FTO: variants seen among roughly 807,000 people sequenced by gnomAD.
The protein encoded by FTO is alpha-ketoglutarate-dependent dioxygenase FTO.
Under a neutral mutation model 63.9 loss-of-function variants are expected in FTO, and 47 were observed. That is an observed-to-expected ratio of 0.74 (90% CI 0.58 to 0.94). The LOEUF (loss-of-function observed/expected upper bound fraction) is 0.94. Ranked by LOEUF, FTO falls within the 40% of genes least tolerant of loss-of-function variation. The probability of loss-of-function intolerance (pLI) is 0.00; values close to 1 mark genes in which losing one functional copy is unlikely to be tolerated. For synonymous variants in FTO, 207 were observed against 224.4 expected (o/e 0.92, Z 0.69); for missense variants, 562 against 618.1 (o/e 0.91, Z 0.96).
At chr16:54,099,352 G>C (rs1355980048) in intron 8 of FTO, among the ~76,000 whole-genome samples, 1 of 152,174 alleles carries the variant, frequency 6.6e-6, no homozygotes, top group Admixed American at 6.5e-5. Context: ...TGCAAGGAAA[G>C]TTACTCTAGA....
At chr16:53,852,581 A>G (rs2079842872) in intron 4 of FTO, among the ~76,000 whole-genome samples, 1 of 152,192 alleles carries the variant, frequency 6.6e-6, no homozygotes, top group Non-Finnish European at 1.5e-5. Flanking sequence ...GCCAGTACAT[A>G]ATGATGTTGA....
chr16:53,736,940 A>T (rs2076402598), intron 1 of FTO, among the ~76,000 whole-genome samples: 1 of 152,082 alleles, frequency 6.6e-6, no homozygotes, highest in African/African-American at 2.4e-5. Flanking sequence ...CCTTTTTAAG[A>T]TTTAGCTCTA....
chr16:53,888,360 C>T (rs2081055024), intron 6 of FTO, among the ~76,000 whole-genome samples: 2 of 151,660 alleles, frequency 1.3e-5, no homozygotes, highest in Non-Finnish European at 2.9e-5. Context: ...CACACCACTG[C>T]CAATTTATTT....
intron 1 of FTO, among the ~76,000 whole-genome samples, chr16:53,728,431 T>A (rs927546204): frequency 2.0e-5 from 3 of 152,140 alleles, no homozygotes; most frequent in African/African-American, 7.2e-5. Context: ...CTTCCCTTCC[T>A]TCCATTCATT....
chr16:54,019,329 A>G (rs2084533300), intron 8 of FTO, among the ~76,000 whole-genome samples: 1 of 152,236 alleles, frequency 6.6e-6, no homozygotes, highest in Non-Finnish European at 1.5e-5. Context: ...TGAATAAAAT[A>G]GATTCTGTTA....
chr16:53,744,039 G>A (rs1389476571), intron 1 of FTO, among the ~76,000 whole-genome samples: 3 of 152,146 alleles, frequency 2.0e-5, no homozygotes, highest in East Asian at 1.9e-4. Context: ...TTCTCCAGTC[G>A]TCTTGTAGAA....
chr16:53,810,976 T>C (rs1020484386), intron 2 of FTO, among the ~76,000 whole-genome samples: 1 of 152,220 alleles, frequency 6.6e-6, no homozygotes, highest in African/African-American at 2.4e-5. Context: ...GTGAGTTCTT[T>C]TTCCCTGGTT....
chr16:53,871,297 G>A (rs1340672673), intron 4 of FTO, among the ~76,000 whole-genome samples: 1 of 151,994 alleles, frequency 6.6e-6, no homozygotes, highest in East Asian at 1.9e-4. Flanking sequence ...TCATTAAATG[G>A]CTTAATATTG....
chr16:53,927,914 A>T lies in FTO; in HGVS notation c.1240-6071A>T, dbSNP rs75293389. Among the ~76,000 whole-genome samples, 516 of 152,328 alleles carry T rather than the reference A, an allele frequency of 3.4e-3. 1 individual carries two copies. The highest frequency in any genetic ancestry group is 0.01 in the Middle Eastern group (3 of 294). On this transcript the variant is annotated intron_variant, in intron 7 of 8. Coordinates refer to ENST00000471389, the MANE Select transcript of FTO (RefSeq NM_001080432.3). ...GCCTGATTTCCTTTAAAGTTTTTCC[A>T]CTTAAAGTAATAGACATTTTCAGGA...
At chr16:53,975,055 C>T (rs1302153262) in intron 8 of FTO, among the ~76,000 whole-genome samples, 1 of 151,888 alleles carries the variant, frequency 6.6e-6, no homozygotes, top group Non-Finnish European at 1.5e-5. Flanking sequence ...ATTTCTATTT[C>T]TAAATTGACT....
At chr16:53,784,228 A>G (rs765848975) in intron 1 of FTO, among the ~76,000 whole-genome samples, 1 of 152,230 alleles carries the variant, frequency 6.6e-6, no homozygotes. Context: ...TCTGCAAAGT[A>G]TACTTGCTGT....
chr16:54,024,091 A>G (rs2144169422), intron 8 of FTO, among the ~76,000 whole-genome samples: 1 of 152,332 alleles, frequency 6.6e-6, no homozygotes, highest in East Asian at 1.9e-4. Flanking sequence ...GCTGCAATAA[A>G]AATCTCTGTT....
intron 8 of FTO, among the ~76,000 whole-genome samples, chr16:54,009,065 TA>T (rs1303443776): frequency 6.6e-6 from 1 of 151,748 alleles, no homozygotes; most frequent in African/African-American, 2.4e-5. Context: ...AACTTGATGG[TA>T]ACTAACAATG....
intron 8 of FTO, among the ~76,000 whole-genome samples, chr16:54,096,097 T>C (rs2086511343): frequency 6.6e-6 from 1 of 152,196 alleles, no homozygotes; most frequent in South Asian, 2.1e-4. Flanking sequence ...TGGCACCTAG[T>C]AAATATTTGT....
chr16:53,734,676 A>C (rs2076349109), intron 1 of FTO, among the ~76,000 whole-genome samples: 1 of 152,232 alleles, frequency 6.6e-6, no homozygotes, highest in Non-Finnish European at 1.5e-5. Flanking sequence ...TGGCTTAATG[A>C]TACAGTCAAA....
At chr16:53,963,044 A>G (rs902862358) in intron 8 of FTO, among the ~76,000 whole-genome samples, 1 of 152,194 alleles carries the variant, frequency 6.6e-6, no homozygotes, top group East Asian at 1.9e-4. Flanking sequence ...TATTTTCTGA[A>G]ATTGCCAAAT....
intron 8 of FTO, chr16:54,071,925 G>A (rs1327756189): frequency 6.6e-6 from 1 of 152,080 alleles, no homozygotes; most frequent in Non-Finnish European, 1.5e-5. Context: ...GTTTTTATAG[G>A]GGGTGCCGCC....
At chr16:53,949,419 A>AT (rs1175945273) in intron 8 of FTO, among the ~76,000 whole-genome samples, 1 of 152,252 alleles carries the variant, frequency 6.6e-6, no homozygotes, top group Non-Finnish European at 1.5e-5. Context: ...TTTAAGAAAG[A>AT]TAAAAAGGTA....
chr16:53,887,760 TG>T (rs2081038051), intron 6 of FTO: 1 of 152,186 alleles, frequency 6.6e-6, no homozygotes, highest in African/African-American at 2.4e-5. Flanking sequence ...ATATTCAGCT[TG>T]TACTAATATG....
Sources: gnomAD v4.1 joint callset for allele counts (sites outside exome capture counted in the v4.1 genomes callset) on GRCh38, gnomAD v4.1.1 for gene constraint, MANE v1.5 for transcripts, NCBI Gene and HGNC (gene_info 2026-07-23, HGNC 2026-07-21) for gene names.